The following TMCC1 variants were observed in gnomAD, a reference collection of about 807,000 sequenced individuals.
The protein encoded by TMCC1 is transmembrane and coiled-coil domain family 1.
A neutral mutation model predicts 52.4 loss-of-function variants in TMCC1; 15 were observed. That is an observed-to-expected ratio of 0.29 (90% CI 0.19 to 0.44). TMCC1 has a LOEUF of 0.44. TMCC1 is among the 20% of genes least tolerant of loss of function. The pLI is 1.00. For synonymous variants in TMCC1, 279 were observed against 301.9 expected (o/e 0.92, Z 0.79); for missense variants, 503 against 806.0 (o/e 0.62, Z 4.55).
chr3:129,707,896 C>A (rs1161085882), intron 4 of TMCC1, among the ~76,000 whole-genome samples: 4 of 151,730 alleles, frequency 2.6e-5, no homozygotes, highest in Non-Finnish European at 5.9e-5. Context: ...CACACCACTG[C>A]ACTCCAGCCT....
At chr3:129,763,622 C>T (rs898537412) in intron 4 of TMCC1, among the ~76,000 whole-genome samples, 18 of 143,532 alleles carry the variant, frequency 1.3e-4, no homozygotes, top group African/African-American at 4.4e-4. Flanking sequence ...AAATTATATT[C>T]AGAACTTAAT....
At chr3:129,657,699 G>A (rs1351623883) in intron 5 of TMCC1, among the ~76,000 whole-genome samples, 1 of 152,198 alleles carries the variant, frequency 6.6e-6, no homozygotes, top group Non-Finnish European at 1.5e-5. Context: ...TGTCAAAGTG[G>A]AGTTGATGGG....
intron 2 of TMCC1, among the ~76,000 whole-genome samples, chr3:129,869,477 G>A (rs1006456928): frequency 4.6e-5 from 7 of 152,180 alleles, no homozygotes; most frequent in African/African-American, 1.4e-4. Flanking sequence ...CCAGACAGAA[G>A]TGTGGGTGGC....
chr3:129,837,270 C>T (rs2059202283), intron 2 of TMCC1, among the ~76,000 whole-genome samples: 1 of 152,036 alleles, frequency 6.6e-6, no homozygotes, highest in Non-Finnish European at 1.5e-5. Context: ...ACTCCCCTCA[C>T]CCTCCACTAA....
intron 4 of TMCC1, among the ~76,000 whole-genome samples, chr3:129,818,505 AAACTTTTAAAGAAAAGTTTTAAAG>A (rs1560482985): frequency 7.5e-4 from 15 of 19,992 alleles, no homozygotes; most frequent in Non-Finnish European, 1.3e-3. Context: ...AGTTTTAAAG[AAACTTTTAAAGAAAAGTTTTAAAG>A]AAACTTTTAA....
At chr3:129,752,813 C>T (rs751672477) in intron 4 of TMCC1, among the ~76,000 whole-genome samples, 15 of 152,056 alleles carry the variant, frequency 9.9e-5, no homozygotes, top group South Asian at 2.1e-4. Flanking sequence ...CAGTAATTTA[C>T]GAAGAAAAGA....
chr3:129,741,484 A>G, intron 4 of TMCC1, among the ~76,000 whole-genome samples: 1 of 152,172 alleles, frequency 6.6e-6, no homozygotes, highest in Non-Finnish European at 1.5e-5. Flanking sequence ...GCCATGATTT[A>G]TTCAAGGTCA....
chr3:129,746,116 A>G (rs983167846), intron 4 of TMCC1, among the ~76,000 whole-genome samples: 1 of 151,606 alleles, frequency 6.6e-6, no homozygotes, highest in Admixed American at 6.6e-5. Flanking sequence ...AAAAAAAACA[A>G]CTAAGTACCC....
intron 2 of TMCC1, among the ~76,000 whole-genome samples, chr3:129,857,625 G>A (rs905213917): frequency 4.6e-5 from 7 of 151,376 alleles, no homozygotes; most frequent in Admixed American, 3.9e-4. Context: ...GCAGTGGTGC[G>A]ATCTCAGCTC....
chr3:129,687,009 G>GA (rs1018542621), intron 4 of TMCC1, among the ~76,000 whole-genome samples: 5 of 152,206 alleles, frequency 3.3e-5, no homozygotes, highest in Non-Finnish European at 7.3e-5. Flanking sequence ...TGACTTGGTT[G>GA]AAAGGTTTTG....
chr3:129,674,925 C>T (rs1168914226), intron 4 of TMCC1, among the ~76,000 whole-genome samples: 1 of 152,220 alleles, frequency 6.6e-6, no homozygotes, highest in Non-Finnish European at 1.5e-5. Flanking sequence ...ACTGCAACCT[C>T]TGCCTCCTGG....
intron 2 of TMCC1, among the ~76,000 whole-genome samples, chr3:129,852,071 T>C (rs2059937910): frequency 6.6e-6 from 1 of 152,122 alleles, no homozygotes; most frequent in Non-Finnish European, 1.5e-5. Context: ...GAGGATTGTT[T>C]GAACCTGGAA....
chr3:129,860,298 G>A (rs1200155613), intron 2 of TMCC1, among the ~76,000 whole-genome samples: 1 of 151,664 alleles, frequency 6.6e-6, no homozygotes, highest in Non-Finnish European at 1.5e-5. Context: ...TCAAACTCCT[G>A]AGCTCCAGCA....
At chr3:129,882,161 G>C (rs1456954002) in intron 1 of TMCC1, among the ~76,000 whole-genome samples, 1 of 152,072 alleles carries the variant, frequency 6.6e-6, no homozygotes, top group Non-Finnish European at 1.5e-5. Flanking sequence ...AATATACAGA[G>C]AACTCTTAAA....
intron 4 of TMCC1, among the ~76,000 whole-genome samples, chr3:129,692,418 T>G (rs1486961934): frequency 6.6e-6 from 1 of 152,230 alleles, no homozygotes; most frequent in Admixed American, 6.5e-5. Context: ...GATGAATTTC[T>G]AATTAGAAGA....
At chr3:129,888,198 CAGG>C (rs1490090036) in intron 1 of TMCC1, among the ~76,000 whole-genome samples, 3 of 152,136 alleles carry the variant, frequency 2.0e-5, no homozygotes, top group Admixed American at 2.0e-4. Context: ...ACTGATGAAG[CAGG>C]AGGTTACATA....
chr3:129,709,796 T>C (rs2048529016), intron 4 of TMCC1, among the ~76,000 whole-genome samples: 1 of 152,060 alleles, frequency 6.6e-6, no homozygotes, highest in Non-Finnish European at 1.5e-5. Context: ...ATAAGAACAA[T>C]AATGCACACT....
chr3:129,876,500 C>A (rs1373959521), intron 2 of TMCC1, among the ~76,000 whole-genome samples: 1 of 151,784 alleles, frequency 6.6e-6, no homozygotes, highest in Admixed American at 6.6e-5. Flanking sequence ...AGACATGAAT[C>A]AAAAATAAAG....
chr3:129,705,233 A>G (rs550104906), intron 4 of TMCC1, among the ~76,000 whole-genome samples: 6 of 152,314 alleles, frequency 3.9e-5, no homozygotes, highest in African/African-American at 1.4e-4. Flanking sequence ...AGGAAAGAGC[A>G]GAGAGAGGTG....
Sources: allele counts gnomAD v4.1 joint callset (sites outside exome capture counted in the v4.1 genomes callset), GRCh38; gene constraint gnomAD v4.1.1; transcripts MANE v1.5; gene names NCBI Gene and HGNC (gene_info 2026-07-23, HGNC 2026-07-21).